The following HBP1 variants were observed in gnomAD, a reference collection of about 807,000 sequenced individuals.
HBP1 encodes the protein HMG-box transcription factor 1, also known as HMG box-containing protein 1.
HBP1 carries 20 observed loss-of-function variants against 62.6 expected under a neutral mutation model. The ratio of observed to expected loss-of-function variants is 0.32; its 90% CI spans 0.22 to 0.46. The LOEUF is 0.46. HBP1 is among the 20% of genes least tolerant of loss of function. The pLI, the probability that HBP1 is intolerant of heterozygous loss-of-function variation, is 1.00. For synonymous variants in HBP1, 232 were observed against 206.2 expected, an observed-to-expected ratio of 1.12 and a Z score of -1.07; for missense variants, 480 against 611.8, an observed-to-expected ratio of 0.78 and a Z score of 2.27.
chr7:107,186,160 T>C (rs1208241216), intron 4 of HBP1, among the ~76,000 whole-genome samples: 3 of 146,910 alleles, frequency 2.0e-5, no homozygotes, highest in African/African-American at 5.2e-5. Flanking sequence ...TTTTTTCTTT[T>C]TTTTTCTTTT....
At chr7:107,169,255 C>T in intron 1 of HBP1, 70 bp downstream of exon 1, 1 of 820,544 alleles carries the variant, frequency 1.2e-6, no homozygotes, top group South Asian at 2.4e-5. Flanking sequence ...GGGGATTGGG[C>T]AGACTGGAGG....
At position 107,201,684 on chromosome 7, in the gene HBP1, GTAA is replaced by G. The variant is rs1798322291; in HGVS notation, c.*259_*261del. On this transcript the variant is annotated 3_prime_UTR_variant, in exon 11 of 11. Transcript: ENST00000222574. Reference sequence around the variant, plus strand: ...TCCAAACTTCATATATGTCTATCAGGTAATAATAGGCTTGAAAATTGATATCCT... The same window carrying G: ...TCCAAACTTCATATATGTCTATCAGGTAATAGGCTTGAAAATTGATATCCT... 2.7e-6 allele frequency: 1 copy of G among 370,232 alleles called. No individual in the cohort carries two copies. The highest frequency in any genetic ancestry group is 4.9e-6 in the Non-Finnish European group (1 of 205,874). The allele number at this position is 370,232 out of a possible 1,614,324, so 22.9% of individuals were successfully genotyped here.
At chr7:107,186,270 A>G in intron 4 of HBP1, 91 bp from the exon 5 acceptor site, 1 of 749,706 alleles carries the variant, frequency 1.3e-6, no homozygotes, top group Non-Finnish European at 2.2e-6. Context: ...ATCCACCTAT[A>G]AGCATGGGCC....
At chr7:107,179,714 G>T (rs1344976369) in intron 1 of HBP1, 165 bp from the exon 2 acceptor site, 16 of 397,364 alleles carry the variant, frequency 4.0e-5, no homozygotes, top group African/African-American at 6.0e-5. Flanking sequence ...GGAGTTTGCA[G>T]TGAGCCGAGA....
chr7:107,191,356 A>G (rs1341037401), intron 8 of HBP1, among the ~76,000 whole-genome samples: 5 of 152,184 alleles, frequency 3.3e-5, no homozygotes, highest in African/African-American at 1.2e-4. Context: ...AATTTTAAGG[A>G]CTGATACTTA....
At chr7:107,178,364 C>T (rs1246859149) in intron 1 of HBP1, among the ~76,000 whole-genome samples, 1 of 152,140 alleles carries the variant, frequency 6.6e-6, no homozygotes, top group Non-Finnish European at 1.5e-5. Context: ...TCAGAAAAAT[C>T]TTACCATTGT....
intron 1 of HBP1, among the ~76,000 whole-genome samples, chr7:107,177,893 T>C (rs1447336123): frequency 2.0e-5 from 3 of 152,168 alleles, no homozygotes; most frequent in African/African-American, 7.2e-5. Flanking sequence ...AGTGATTGTA[T>C]TTTCTAGTCA....
chr7:107,172,300 G>T (rs945033705), intron 1 of HBP1, among the ~76,000 whole-genome samples: 6 of 152,084 alleles, frequency 3.9e-5, no homozygotes, highest in Non-Finnish European at 7.4e-5. Context: ...AATATTGTTT[G>T]TGCTTACTCG....
At chr7:107,192,603 A>G (rs1191918362) in intron 8 of HBP1, 2 of 152,216 alleles carry the variant, frequency 1.3e-5, no homozygotes, top group Non-Finnish European at 2.9e-5. Flanking sequence ...ACTTACAAAT[A>G]TATGTAAAGT....
intron 7 of HBP1, chr7:107,189,731 C>G: frequency 3.9e-6 from 1 of 256,878 alleles, no homozygotes; most frequent in East Asian, 8.0e-5. Context: ...ATGTAGTGAT[C>G]TAGTAATCAC....
At chr7:107,183,149 A>G (rs950797317) in intron 3 of HBP1, among the ~76,000 whole-genome samples, 2 of 152,232 alleles carry the variant, frequency 1.3e-5, no homozygotes, top group African/African-American at 4.8e-5. Context: ...GTGCTATGAA[A>G]TTACGGAAGC....
In HBP1 at chr7:107,186,156, C is replaced by CTTTTTTTTTT. The variant is rs946488645; in HGVS notation, c.541-196_541-195insTTTTTTTTTT. On this transcript the variant is annotated intron_variant, in intron 4 of 10. Transcript: ENST00000222574. ...TTTGTTTTGTGTGTGTCTTTTTTTTCTTTTTTTTTCTTTTTTTTTTTTTTT... is the reference window on the plus strand; with the variant it reads ...TTTGTTTTGTGTGTGTCTTTTTTTTCTTTTTTTTTTTTTTTTTTTCTTTTTTTTTTTTTTT... Among the ~76,000 whole-genome samples the CTTTTTTTTTT allele has an allele frequency of 1.4e-3, 176 of 127,188 alleles. 4 individuals are homozygous for CTTTTTTTTTT. Among genetic ancestry groups the CTTTTTTTTTT allele is most frequent in the Non-Finnish European group, 2.2e-3 (135 of 60,194 alleles). 83.4% of individuals were successfully genotyped at this position (127,188 alleles called of 152,430 possible).
intron 9 of HBP1, among the ~76,000 whole-genome samples, chr7:107,199,593 G>A (rs1798109249): frequency 6.6e-6 from 1 of 152,198 alleles, no homozygotes; most frequent in African/African-American, 2.4e-5. Flanking sequence ...TTATATGGGT[G>A]TCATGAAGTG....
At chr7:107,171,074 T>TATATATATATATATATA (rs1554380347) in intron 1 of HBP1, among the ~76,000 whole-genome samples, 6 of 37,520 alleles carry the variant, frequency 1.6e-4, no homozygotes, top group African/African-American at 7.0e-4. Flanking sequence ...TATATATATA[T>TATATATATATATATATA]TTTTTTTTTT....
At chr7:107,169,761 T>A in intron 1 of HBP1, 30 of 979,184 alleles carry the variant, frequency 3.1e-5, no homozygotes, top group Non-Finnish European at 3.6e-5. Context: ...GCGCTGGGGC[T>A]GAGCCGAGGG....
Position 107,186,574 on chromosome 7 carries a change from C to T in HBP1, c.658C>T (p.Arg220Ter). The T allele has an allele frequency of 6.2e-7, 1 of 1,609,006 alleles. No homozygotes were observed. Among genetic ancestry groups the T allele is most frequent in the Non-Finnish European group, 8.5e-7 (1 of 1,175,528 alleles). The part of the protein sequence containing the change: ...TVWHCFLKGT[R>*]LCFHKGSNKE... The stretch of plus-strand genomic sequence containing the variant: ...GTTTTCTACCTAAACCTTAGGCACA[C>T]GACTGTGCTTTCATAAGGGAAGCAA... The change falls in exon 6 of 11, where the codon CGA (arginine) becomes TGA (stop). Residue 220 changes from arginine to a stop codon, truncating the protein, a stop_gained. Coordinates refer to ENST00000222574, the MANE Select transcript of HBP1 (RefSeq NM_012257.4). LOFTEE classifies it high-confidence loss of function.
Position 107,169,052 on chromosome 7 carries a change from G to A in HBP1, c.-149G>A, listed in dbSNP as rs1469707776. On this transcript the variant is annotated 5_prime_UTR_variant, in exon 1 of 11. Coordinates refer to ENST00000222574, the MANE Select transcript of HBP1 (RefSeq NM_012257.4). Reference sequence around the variant, plus strand: ...GGTAAGTAGGAAAGTTTCGGTTGAGGAGTAAGAGCTGCCGCGGGAGCAGTA... The same window carrying A: ...GGTAAGTAGGAAAGTTTCGGTTGAGAAGTAAGAGCTGCCGCGGGAGCAGTA... 9 of 1,288,826 alleles carry A rather than the reference G, an allele frequency of 7.0e-6. No homozygotes were observed. In the South Asian group the frequency reaches 9.9e-5, roughly 14 times the overall value. 79.8% of individuals were successfully genotyped at this position (1,288,826 alleles called of 1,614,324 possible). A position where few individuals can be genotyped will look rare whatever the true frequency, so the allele number is the denominator to read the frequency against.
At position 107,186,166 on chromosome 7, in the gene HBP1, CTTTTTTTT is replaced by C. The variant is rs80124304; in HGVS notation, c.541-186_541-179del. 4.1e-4 allele frequency among the ~76,000 whole-genome samples: 48 copies of C among 116,142 alleles called. 1 individual carries two copies. The highest frequency in any genetic ancestry group is 3.2e-5 in the African/African-American group (1 of 31,258). 76.2% of individuals were successfully genotyped at this position (116,142 alleles called of 152,430 possible). ...GTGTGTCTTTTTTTTCTTTTTTTTTCTTTTTTTTTTTTTTTTAGCAAATTCTCCCACAG... is the reference window on the plus strand; with the variant it reads ...GTGTGTCTTTTTTTTCTTTTTTTTTCTTTTTTTTAGCAAATTCTCCCACAG... On this transcript the variant is annotated intron_variant, in intron 4 of 10. Coordinates refer to ENST00000222574, the MANE Select transcript of HBP1 (RefSeq NM_012257.4).
intron 3 of HBP1, among the ~76,000 whole-genome samples, chr7:107,183,645 ATTT>A (rs919831865): frequency 6.7e-6 from 1 of 149,764 alleles, no homozygotes; most frequent in Non-Finnish European, 1.5e-5. Flanking sequence ...TAACTATTGG[ATTT>A]TTTTTTTCTT....
Sources: allele counts gnomAD v4.1 joint callset (sites outside exome capture counted in the v4.1 genomes callset), GRCh38; gene constraint gnomAD v4.1.1; transcripts MANE v1.5; gene names NCBI Gene and HGNC (gene_info 2026-07-23, HGNC 2026-07-21).